Variants in SLC46A2 observed in about 807,000 individuals in gnomAD.
The protein encoded by SLC46A2 is thymic stromal co-transporter.
In SLC46A2, 25 loss-of-function variants were observed where a neutral mutation model predicts 33.1. That is an observed-to-expected ratio of 0.76 (90% CI 0.55 to 1.06). SLC46A2 has a LOEUF of 1.06. Ranked by LOEUF, SLC46A2 falls within the 50% of genes least tolerant of loss-of-function variation. The pLI is 0.00. For missense variants in SLC46A2, 622 were observed against 621.7 expected, an observed-to-expected ratio of 1.00 and a Z score of 0.00; for synonymous variants, 254 against 275.9, an observed-to-expected ratio of 0.92 and a Z score of 0.79.
Position 112,890,839 on chromosome 9 carries a change from G to A in SLC46A2, c.-158C>T, listed in dbSNP as rs1469545814. On this transcript the variant is annotated 5_prime_UTR_variant, in exon 1 of 4. Coordinates refer to ENST00000374228, the MANE Select transcript of SLC46A2 (RefSeq NM_033051.4). This position sits in a 1 kb window ranked among gnomAD's most constrained non-coding sequence, Gnocchi z 6.0. ...GTGCTCCGTGCGCCGGGAGCGCGCC[G>A]GCCAGTGGCGAGCAGAGCCAGGGCA... 1.0e-5 allele frequency: 9 copies of A among 857,402 alleles called. No individual in the cohort carries two copies. The highest frequency in any genetic ancestry group is 6.2e-5 in the Admixed American group (2 of 32,472). The allele number at this position is 857,402 out of a possible 1,614,324, so 53.1% of individuals were successfully genotyped here.
rs1220859194 is a variant in SLC46A2 at position 112,887,263 on chromosome 9, C to A, written c.1213+67G>T. 3 of 1,458,416 alleles carry A rather than the reference C, an allele frequency of 2.1e-6. No individual in the cohort carries two copies. In the African/African-American group the frequency reaches 4.2e-5, roughly 21 times the overall value. The allele number at this position is 1,458,416 out of a possible 1,614,324, so 90.3% of individuals were successfully genotyped here. On this transcript the variant is annotated intron_variant, in intron 2 of 3. Transcript: ENST00000374228. ...CTCAAGTGCCTTCTGCAGGTCTGTG[C>A]CTCATGCTTAGCAGCTCTGAAACAG...
chr9:112,887,419 A>G lies in SLC46A2; in HGVS notation c.1130-6T>C, dbSNP rs373900105. The G allele has an allele frequency of 1.0e-4, 161 of 1,605,024 alleles. No individual in the cohort carries two copies. Among genetic ancestry groups the G allele is most frequent in the Non-Finnish European group, 1.3e-4 (153 of 1,176,580 alleles). On this transcript the variant is annotated splice_region_variant and splice_polypyrimidine_tract_variant and intron_variant, in intron 1 of 3. Transcript: ENST00000374228. ...AAACAGCATGACGGCTCGAGCTGAA[A>G]GAGATCACACAAGAACACTCCTTGC...
intron 3 of SLC46A2, among the ~76,000 whole-genome samples, chr9:112,881,052 C>A (rs1398062301): frequency 1.3e-5 from 2 of 152,218 alleles, no homozygotes; most frequent in Admixed American, 1.3e-4. Flanking sequence ...GCAGAATTAG[C>A]TGCCTCATCG....
chr9:112,884,423 A>G (rs931141196), intron 3 of SLC46A2, among the ~76,000 whole-genome samples: 1 of 152,176 alleles, frequency 6.6e-6, no homozygotes, highest in African/African-American at 2.4e-5. Flanking sequence ...GGCCCCTCCT[A>G]GCTGTGAAAC....
intron 3 of SLC46A2, among the ~76,000 whole-genome samples, chr9:112,881,137 TCTGAA>T (rs1841571817): frequency 6.6e-6 from 1 of 152,182 alleles, no homozygotes; most frequent in African/African-American, 2.4e-5. Context: ...AGCAATTAGG[TCTGAA>T]CTGAAGTCCT....
At chr9:112,882,720 CGGT>C (rs1369605505) in intron 3 of SLC46A2, among the ~76,000 whole-genome samples, 1 of 151,934 alleles carries the variant, frequency 6.6e-6, no homozygotes, top group Non-Finnish European at 1.5e-5. Flanking sequence ...TTTCTACCCT[CGGT>C]GGGTGGTGCC....
At chr9:112,883,966 A>G (rs1841614594) in intron 3 of SLC46A2, among the ~76,000 whole-genome samples, 6 of 152,184 alleles carry the variant, frequency 3.9e-5, no homozygotes, top group Admixed American at 3.9e-4. Context: ...AAGTGCTGGG[A>G]TTACAGGCAT....
At chr9:112,888,495 A>C (rs547372623) in intron 1 of SLC46A2, among the ~76,000 whole-genome samples, 1 of 152,350 alleles carries the variant, frequency 6.6e-6, no homozygotes, top group African/African-American at 2.4e-5. Context: ...GATAGCCACT[A>C]GCCCCATATA....
chr9:112,879,838 G>A lies in SLC46A2; in HGVS notation c.1371-19C>T. The stretch of plus-strand genomic sequence containing the variant: ...CACGATGCTGTAAGAATTGACCATA[G>A]AGAGTTACAAGAGAACAGCTGGAAT... On this transcript the variant is annotated intron_variant, in intron 3 of 3. Transcript: ENST00000374228. 1 of 1,609,198 alleles carries A rather than the reference G, an allele frequency of 6.2e-7. No individual in the cohort carries two copies. Among genetic ancestry groups the A allele is most frequent in the South Asian group, 1.1e-5 (1 of 90,756 alleles).
chr9:112,885,187 C>T lies in SLC46A2; in HGVS notation c.1370+1273G>A, dbSNP rs189098564. The T allele has an allele frequency of 1.7e-4, 26 of 152,198 alleles. No individual in the cohort carries two copies. In the East Asian group the frequency reaches 2.1e-3, roughly 12 times the overall value. The allele number at this position is 152,198 out of a possible 1,614,324, so 9.4% of individuals were successfully genotyped here. Reference sequence around the variant, plus strand: ...TAATGCAAAGAGCCCTAATGATTGACGGCTCTTGTCCTAGGAAGCTCAACT... The same window carrying T: ...TAATGCAAAGAGCCCTAATGATTGATGGCTCTTGTCCTAGGAAGCTCAACT... On this transcript the variant is annotated intron_variant, in intron 3 of 3. Coordinates refer to ENST00000374228, the MANE Select transcript of SLC46A2 (RefSeq NM_033051.4).
At chr9:112,888,488 A>G (rs1476791121) in intron 1 of SLC46A2, among the ~76,000 whole-genome samples, 3 of 152,232 alleles carry the variant, frequency 2.0e-5, no homozygotes, top group African/African-American at 7.2e-5. Flanking sequence ...TTGATATGAT[A>G]GCCACTAGCC....
chr9:112,888,873 G>T (rs1363968698), intron 1 of SLC46A2, among the ~76,000 whole-genome samples: 1 of 139,672 alleles, frequency 7.2e-6, no homozygotes, highest in Non-Finnish European at 1.6e-5. Context: ...ACTCCTCCAC[G>T]TTTTTTTTTT....
chr9:112,880,581 C>T (rs1031349833), intron 3 of SLC46A2: 1 of 153,356 alleles, frequency 6.5e-6, no homozygotes, highest in Non-Finnish European at 1.5e-5. Context: ...GGAAGCCCAT[C>T]CCCAACCTCC....
chr9:112,884,250 A>C (rs1296633407), intron 3 of SLC46A2, among the ~76,000 whole-genome samples: 1 of 152,192 alleles, frequency 6.6e-6, no homozygotes, highest in African/African-American at 2.4e-5. Context: ...GAGGAAGGGG[A>C]TGCTGACTGT....
rs1827220710 is a variant in SLC46A2 at position 112,890,794 on chromosome 9, C to T, written c.-113G>A. On this transcript the variant is annotated 5_prime_UTR_variant, in exon 1 of 4. Transcript: ENST00000374228. The surrounding 1 kb of genome is among the most constrained non-coding windows in gnomAD (Gnocchi z 6.0). ...TCAGTCCCGGAGCGCGAGTGTGCTC[C>T]GTGCGCCGGGAGCGCGAGTGTGCTC... is the stretch of plus-strand genomic sequence containing the variant. 6 of 785,116 alleles carry T rather than the reference C, an allele frequency of 7.6e-6. No homozygotes were observed. Among genetic ancestry groups the T allele is most frequent in the African/African-American group, 4.8e-5 (2 of 41,304 alleles). The allele number at this position is 785,116 out of a possible 1,614,324, so 48.6% of individuals were successfully genotyped here.
In SLC46A2 at chr9:112,890,390, A is replaced by C; in HGVS notation, c.292T>G (p.Trp98Gly). ...TTTCGGTGGTAGCGGTCGCTGAGCC[A>C]TCCCAGCCCGTAGGCGGACAGCAGG... The part of the protein sequence containing the change: ...SPLLSAYGLG[W>G]LSDRYHRKIS... The change falls in exon 1 of 4, where the codon TGG becomes GGG. Residue 98 changes from tryptophan to glycine, a missense_variant. By Grantham distance (184) the Trp-to-Gly change is radical. Coordinates refer to ENST00000374228, the MANE Select transcript of SLC46A2 (RefSeq NM_033051.4). The surrounding 1 kb of genome is among the most constrained non-coding windows in gnomAD (Gnocchi z 6.0). 6.2e-7 allele frequency: 1 copy of C among 1,614,220 alleles called. No homozygotes were observed. The highest frequency in any genetic ancestry group is 8.5e-7 in the Non-Finnish European group (1 of 1,180,042).
Position 112,890,753 on chromosome 9 carries a change from T to C in SLC46A2, c.-72A>G. ...AGGATATGCTCCCAAATTCGGCTGCTACGGCTGCTCAGGTTTCAGTCCCGG... is the reference window on the plus strand; with the variant it reads ...AGGATATGCTCCCAAATTCGGCTGCCACGGCTGCTCAGGTTTCAGTCCCGG... On this transcript the variant is annotated 5_prime_UTR_variant, in exon 1 of 4. Coordinates refer to ENST00000374228, the MANE Select transcript of SLC46A2 (RefSeq NM_033051.4). The surrounding 1 kb of genome is among the most constrained non-coding windows in gnomAD (Gnocchi z 6.0). The C allele has an allele frequency of 6.7e-7, 1 of 1,497,008 alleles. No homozygotes were observed. Among genetic ancestry groups the C allele is most frequent in the South Asian group, 1.3e-5 (1 of 77,758 alleles). 92.7% of individuals were successfully genotyped at this position (1,497,008 alleles called of 1,614,324 possible). A position where few individuals can be genotyped will look rare whatever the true frequency, so the allele number is the denominator to read the frequency against.
In SLC46A2 at chr9:112,890,015, T is replaced by G; in HGVS notation, c.667A>C (p.Ser223Arg). The G allele has an allele frequency of 6.2e-7, 1 of 1,614,048 alleles. No individual in the cohort carries two copies. Among genetic ancestry groups the G allele is most frequent in the Non-Finnish European group, 8.5e-7 (1 of 1,180,016 alleles). The change falls in exon 1 of 4, where the codon AGC becomes CGC. Residue 223 changes from serine to arginine, a missense_variant. By Grantham distance (110) the Ser-to-Arg change is moderately radical. Coordinates refer to ENST00000374228, the MANE Select transcript of SLC46A2 (RefSeq NM_033051.4). This position sits in a 1 kb window ranked among gnomAD's most constrained non-coding sequence, Gnocchi z 6.0. Reference protein sequence around the residue: ...VSCASFALLYSLLVLKVPESV... With the variant: ...VSCASFALLYRLLVLKVPESV... ...TCAGGGACCTTTAGCACCAAAAGGC[T>G]GTAGAGCAGGGCAAACGAGGCACAG... is the stretch of plus-strand genomic sequence containing the variant.
intron 3 of SLC46A2, among the ~76,000 whole-genome samples, chr9:112,883,189 A>G (rs1297199027): frequency 2.0e-5 from 3 of 152,204 alleles, no homozygotes; most frequent in Admixed American, 6.5e-5. Flanking sequence ...TGGGGGAGTG[A>G]GACAGCACGT....
Sources: allele counts gnomAD v4.1 joint callset (sites outside exome capture counted in the v4.1 genomes callset), GRCh38; gene constraint gnomAD v4.1.1; non-coding constraint Gnocchi (gnomAD v3.1); transcripts MANE v1.5; gene names NCBI Gene and HGNC (gene_info 2026-07-23, HGNC 2026-07-21).